SPTLC3: variants seen among roughly 807,000 people sequenced by gnomAD.
SPTLC3 encodes serine palmitoyltransferase long chain base subunit 3.
A neutral mutation model predicts 59.3 loss-of-function variants in SPTLC3; 36 were observed. The ratio of observed to expected loss-of-function variants is 0.61; its 90% CI spans 0.47 to 0.80. SPTLC3 has a LOEUF of 0.80. Among genes scored for constraint, SPTLC3 ranks in the 30% least tolerant of loss-of-function variants. The pLI is 0.00. For missense variants in SPTLC3, 625 were observed against 685.1 expected (o/e 0.91, Z 0.98); for synonymous variants, 257 against 240.8 (o/e 1.07, Z -0.62).
At chr20:13,097,040 A>G (rs1989441171) in intron 6 of SPTLC3, among the ~76,000 whole-genome samples, 1 of 152,120 alleles carries the variant, frequency 6.6e-6, no homozygotes. Context: ...GGCAATGGGA[A>G]CTACTGAATT....
At chr20:13,160,377 G>A (rs1434653087) in intron 11 of SPTLC3, among the ~76,000 whole-genome samples, 2 of 152,204 alleles carry the variant, frequency 1.3e-5, no homozygotes, top group African/African-American at 4.8e-5. Context: ...TCCTACAAAA[G>A]ACTGACTGAG....
Position 13,110,135 on chromosome 20 carries a change from C to G in SPTLC3, c.850C>G (p.Leu284Val). ...HNNTQSLEKL[L>V]RDAVIYGQPR... Reference sequence around the variant, plus strand: ...AGACACACAAAGCCTAGAGAAGCTCCTGAGAGATGCTGTCATCTATGGCCA... The same window carrying G: ...AGACACACAAAGCCTAGAGAAGCTCGTGAGAGATGCTGTCATCTATGGCCA... Residue 284 changes from leucine (L) to valine (V), a missense_variant, in exon 7 of 12, where the codon CTG (leucine) becomes GTG (valine). Transcript: ENST00000399002. 1 of 1,613,252 alleles carries G rather than the reference C, an allele frequency of 6.2e-7. No individual in the cohort carries two copies. Among genetic ancestry groups the G allele is most frequent in the Non-Finnish European group, 8.5e-7 (1 of 1,179,642 alleles).
chr20:13,096,100 C>T (rs1989402546), intron 6 of SPTLC3, among the ~76,000 whole-genome samples: 1 of 152,060 alleles, frequency 6.6e-6, no homozygotes, highest in South Asian at 2.1e-4. Flanking sequence ...ACTAAAATAG[C>T]TAAAATTTAA....
chr20:13,103,794 G>T (rs1989718644), intron 6 of SPTLC3, among the ~76,000 whole-genome samples: 1 of 152,202 alleles, frequency 6.6e-6, no homozygotes, highest in Non-Finnish European at 1.5e-5. Context: ...CACAAGAGAA[G>T]AGAAAGGAGG....
chr20:13,122,876 T>C (rs1350609182), intron 8 of SPTLC3, among the ~76,000 whole-genome samples: 1 of 152,174 alleles, frequency 6.6e-6, no homozygotes, highest in Admixed American at 6.5e-5. Context: ...AATCCTTGGT[T>C]TGATGTATGG....
intron 9 of SPTLC3, among the ~76,000 whole-genome samples, chr20:13,145,973 T>C (rs773696269): frequency 1.3e-5 from 2 of 152,216 alleles, no homozygotes; most frequent in Non-Finnish European, 2.9e-5. Context: ...GCCACATGCA[T>C]GCGAATGTTC....
At chr20:13,117,431 T>G in intron 7 of SPTLC3, 75 bp from the exon 8 acceptor site, 2 of 1,347,602 alleles carry the variant, frequency 1.5e-6, no homozygotes, top group Non-Finnish European at 2.0e-6. Context: ...CTGTCTAGGA[T>G]GTATTGATGG....
intron 1 of SPTLC3, among the ~76,000 whole-genome samples, chr20:13,031,571 C>T (rs1227615133): frequency 1.3e-5 from 2 of 152,168 alleles, no homozygotes; most frequent in African/African-American, 4.8e-5. Flanking sequence ...GGCTAGACTT[C>T]TTGCTCTCTA....
chr20:13,038,060 A>ATATATATATATAT (rs1390602376), intron 1 of SPTLC3, among the ~76,000 whole-genome samples: 13 of 148,576 alleles, frequency 8.7e-5, no homozygotes, highest in Non-Finnish European at 1.5e-4. Context: ...ATATATATAT[A>ATATATATATATAT]ATATATCTTC....
At chr20:13,033,030 C>T (rs1986570148) in intron 1 of SPTLC3, among the ~76,000 whole-genome samples, 1 of 152,118 alleles carries the variant, frequency 6.6e-6, no homozygotes, top group Non-Finnish European at 1.5e-5. Flanking sequence ...CTCAATCAAT[C>T]AAGAACTAAG....
intron 9 of SPTLC3, among the ~76,000 whole-genome samples, chr20:13,149,214 G>A (rs567460409): frequency 1.6e-4 from 25 of 152,324 alleles, no homozygotes; most frequent in Middle Eastern, 3.4e-3. Context: ...GTAATATGTA[G>A]AAGAAAGATC....
intron 6 of SPTLC3, among the ~76,000 whole-genome samples, chr20:13,094,402 T>C (rs1989339477): frequency 6.6e-6 from 1 of 150,620 alleles, no homozygotes; most frequent in Non-Finnish European, 1.5e-5. Flanking sequence ...TGCACACACA[T>C]GCACTCACAC....
In SPTLC3 at chr20:13,160,074, C is replaced by T; in HGVS notation, c.1487C>T (p.Ala496Val). Residue 496 changes from alanine to valine, a missense_variant, in exon 11 of 12, where the codon GCA (alanine) becomes GTA (valine). Physicochemically the swap from Ala to Val is moderately conservative, Grantham distance 64. Transcript: ENST00000399002. ...GTGGGATTTCCAGCCACTCCCCTCG[C>T]AGAAGCTCGGGCTCGGTTTTGTGTT... ...VVVGFPATPL[A>V]EARARFCVSA... 6.2e-7 allele frequency: 1 copy of T among 1,613,850 alleles called. No homozygotes were observed. Among genetic ancestry groups the T allele is most frequent in the Non-Finnish European group, 8.5e-7 (1 of 1,179,946 alleles).
At position 13,110,216 on chromosome 20, in the gene SPTLC3, A is replaced by G. The variant is rs751345059; in HGVS notation, c.931A>G (p.Ser311Gly). The change falls in exon 7 of 12, where the codon AGC becomes GGC. Residue 311 changes from serine to glycine, a missense_variant and splice_region_variant. Physicochemically the swap from Ser to Gly is moderately conservative, Grantham distance 56. Transcript: ENST00000399002. ...TCTCATCCTGGTGGAGGGTGTCTAC[A>G]GGTATGTAAATAACAGGACACATTT... The part of the protein sequence containing the change: ...KILILVEGVY[S>G]MEGSIVHLPQ... 5 of 1,612,730 alleles carry G rather than the reference A, an allele frequency of 3.1e-6. No homozygotes were observed. Among genetic ancestry groups the G allele is most frequent in the South Asian group, 1.1e-5 (1 of 90,894 alleles).
At chr20:13,063,159 A>G (rs1988038759) in intron 2 of SPTLC3, among the ~76,000 whole-genome samples, 1 of 152,088 alleles carries the variant, frequency 6.6e-6, no homozygotes, top group African/African-American at 2.4e-5. Flanking sequence ...CTTAATTTGC[A>G]TTTTCCTGAT....
intron 2 of SPTLC3, among the ~76,000 whole-genome samples, chr20:13,052,349 T>C (rs1987530980): frequency 6.6e-6 from 1 of 152,164 alleles, no homozygotes; most frequent in Non-Finnish European, 1.5e-5. Flanking sequence ...GTCCAGATAC[T>C]ACACTTTTCC....
chr20:13,013,042 T>C lies in SPTLC3; in HGVS notation c.117+3658T>C, dbSNP rs570624468. Among the ~76,000 whole-genome samples, 3 of 152,288 alleles carry C rather than the reference T, an allele frequency of 2.0e-5. No homozygotes were observed. The East Asian group carries it at 5.8e-4, about 29-fold the overall frequency. ...CATTCCAGGAAGCTGTGAGGCACAA[T>C]AGGTCATGTGACTTTTGAGAGACTT... is the stretch of plus-strand genomic sequence containing the variant. On this transcript the variant is annotated intron_variant, in intron 1 of 11. Transcript: ENST00000399002.
chr20:13,089,210 G>A (rs1412385098), intron 4 of SPTLC3, among the ~76,000 whole-genome samples: 1 of 152,106 alleles, frequency 6.6e-6, no homozygotes, highest in Non-Finnish European at 1.5e-5. Context: ...GTTTATAGCG[G>A]CCCTAAACAT....
At chr20:13,144,840 T>C (rs942358269) in intron 9 of SPTLC3, among the ~76,000 whole-genome samples, 1 of 152,184 alleles carries the variant, frequency 6.6e-6, no homozygotes, top group Middle Eastern at 3.2e-3. Context: ...AGTGGCGCAA[T>C]CTTGGCTCAC....
Sources: gnomAD v4.1 joint callset for allele counts (sites outside exome capture counted in the v4.1 genomes callset) on GRCh38, gnomAD v4.1.1 for gene constraint, MANE v1.5 for transcripts, NCBI Gene and HGNC (gene_info 2026-07-23, HGNC 2026-07-21) for gene names.